CADPS: variants seen among roughly 807,000 people sequenced by gnomAD.
CADPS encodes calcium dependent secretion activator, also known as calcium-dependent secretion activator 1.
A neutral mutation model predicts 167.3 loss-of-function variants in CADPS; 57 were observed. The ratio of observed to expected loss-of-function variants is 0.34; its 90% confidence interval spans 0.28 to 0.42. CADPS has a LOEUF of 0.42. Among genes scored for constraint, CADPS ranks in the 20% least tolerant of loss-of-function variants. The pLI, the probability that CADPS is intolerant of heterozygous loss-of-function variation, is 1.00. For synonymous variants in CADPS, 676 were observed against 635.3 expected, an observed-to-expected ratio of 1.06 and a Z score of -0.96; for missense variants, 1,414 against 1,738.1, an observed-to-expected ratio of 0.81 and a Z score of 3.32.
At chr3:62,850,750 G>A (rs1056759338) in intron 1 of CADPS, among the ~76,000 whole-genome samples, 11 of 151,298 alleles carry the variant, frequency 7.3e-5, no homozygotes, top group African/African-American at 1.5e-4. Context: ...TGTATATTCT[G>A]TTGATTTGGG....
chr3:62,727,030 A>G (rs758394462), intron 3 of CADPS, among the ~76,000 whole-genome samples: 5 of 151,912 alleles, frequency 3.3e-5, no homozygotes, highest in Non-Finnish European at 5.9e-5. Flanking sequence ...TGTGCTTATT[A>G]GTAAAAACAC....
chr3:62,543,944 A>C (rs1172351378), intron 11 of CADPS, among the ~76,000 whole-genome samples: 3 of 152,108 alleles, frequency 2.0e-5, no homozygotes, highest in African/African-American at 7.2e-5. Flanking sequence ...TTTCTCTTAC[A>C]TGGGTATTTT....
chr3:62,474,354 C>T (rs761716002), intron 23 of CADPS, 34 bp from the exon 24 acceptor site: 9 of 1,605,618 alleles, frequency 5.6e-6, no homozygotes, highest in Non-Finnish European at 6.0e-6. Context: ...ACCAATTCAG[C>T]GTTCAGATGG....
At chr3:62,553,820 C>G (rs17066569) in intron 10 of CADPS, among the ~76,000 whole-genome samples, 1,905 of 152,310 alleles carry the variant, frequency 0.013, 47 homozygotes, top group African/African-American at 0.043. Context: ...GTCATAACCA[C>G]AAGGCCATCA....
chr3:62,558,250 G>T (rs1460655828), intron 9 of CADPS, among the ~76,000 whole-genome samples: 1 of 152,192 alleles, frequency 6.6e-6, no homozygotes, highest in Non-Finnish European at 1.5e-5. Context: ...TGTCACTTGT[G>T]CCCTAATGGC....
At chr3:62,782,216 G>T (rs1445203847) in intron 1 of CADPS, among the ~76,000 whole-genome samples, 1 of 152,136 alleles carries the variant, frequency 6.6e-6, no homozygotes, top group Non-Finnish European at 1.5e-5. Context: ...TGTACAAGGT[G>T]GGCATTAATG....
chr3:62,680,775 G>A (rs997895472), intron 3 of CADPS, among the ~76,000 whole-genome samples: 1 of 152,050 alleles, frequency 6.6e-6, no homozygotes, highest in Non-Finnish European at 1.5e-5. Context: ...CCACCCAGAT[G>A]CTCATAATAC....
chr3:62,736,646 C>T (rs973422977), intron 3 of CADPS, among the ~76,000 whole-genome samples: 46 of 152,090 alleles, frequency 3.0e-4, no homozygotes, highest in African/African-American at 1.1e-3. Flanking sequence ...AAATTTCCAC[C>T]TTTATGTTGG....
chr3:62,640,216 C>A (rs1194513709), intron 6 of CADPS, among the ~76,000 whole-genome samples: 1 of 152,088 alleles, frequency 6.6e-6, no homozygotes. Context: ...AGATATTCTG[C>A]CTTGATGTAA....
chr3:62,557,532 T>C lies in CADPS; in HGVS notation c.1645-19A>G, dbSNP rs1167461377. ...GACTGACCTGTTAAGGAAAAGCAGA[T>C]TGTGAGGTTGACCCCTGGAGCCTGT... is the stretch of plus-strand genomic sequence containing the variant. On this transcript the variant is annotated intron_variant, in intron 9 of 29. Transcript: ENST00000383710. 2 of 1,583,090 alleles carry C rather than the reference T, an allele frequency of 1.3e-6. No individual in the cohort carries two copies. Among genetic ancestry groups the C allele is most frequent in the African/African-American group, 1.3e-5 (1 of 74,262 alleles).
intron 2 of CADPS, among the ~76,000 whole-genome samples, chr3:62,759,699 C>A (rs1271719485): frequency 6.6e-6 from 1 of 151,120 alleles, no homozygotes; most frequent in Non-Finnish European, 1.5e-5. Context: ...ATTGAAAGTA[C>A]CTGGAAAGAT....
intron 1 of CADPS, among the ~76,000 whole-genome samples, chr3:62,871,161 A>G (rs1254749412): frequency 6.6e-6 from 1 of 152,178 alleles, no homozygotes; most frequent in Admixed American, 6.5e-5. Context: ...TCTTTTTCTC[A>G]GTAAAAGTGA....
intron 3 of CADPS, among the ~76,000 whole-genome samples, chr3:62,749,355 A>C (rs1252772069): frequency 6.6e-6 from 1 of 152,242 alleles, no homozygotes; most frequent in Non-Finnish European, 1.5e-5. Flanking sequence ...TACTGGCAGA[A>C]CCTCATAAAG....
chr3:62,654,673 G>A (rs921243390), intron 4 of CADPS, among the ~76,000 whole-genome samples: 1 of 152,130 alleles, frequency 6.6e-6, no homozygotes, highest in Non-Finnish European at 1.5e-5. Context: ...CGGAACAAAG[G>A]TTACATCCCA....
intron 2 of CADPS, among the ~76,000 whole-genome samples, chr3:62,756,471 C>T (rs747927699): frequency 6.6e-6 from 1 of 152,176 alleles, no homozygotes; most frequent in African/African-American, 2.4e-5. Context: ...ACCCATTCAT[C>T]CTTTCTTTGG....
chr3:62,605,198 C>G (rs956577498), intron 6 of CADPS, among the ~76,000 whole-genome samples: 4 of 151,902 alleles, frequency 2.6e-5, no homozygotes, highest in Non-Finnish European at 4.4e-5. Flanking sequence ...TTGCACACCC[C>G]TTTGCATTCC....
chr3:62,575,741 C>CT, intron 8 of CADPS, among the ~76,000 whole-genome samples: 1 of 152,222 alleles, frequency 6.6e-6, no homozygotes, highest in Non-Finnish European at 1.5e-5. Context: ...ACTTTGGTTT[C>CT]TTTTTTTGAA....
At chr3:62,546,530 T>C (rs1188003285) in intron 11 of CADPS, among the ~76,000 whole-genome samples, 1 of 152,206 alleles carries the variant, frequency 6.6e-6, no homozygotes, top group Non-Finnish European at 1.5e-5. Context: ...GAAGTAATTA[T>C]GAACTAACCA....
intron 3 of CADPS, among the ~76,000 whole-genome samples, chr3:62,724,628 G>A (rs1027208060): frequency 2.6e-5 from 4 of 152,172 alleles, no homozygotes; most frequent in Admixed American, 6.5e-5. Context: ...TATATGTGGT[G>A]TTATGCGTCA....
Sources: allele counts gnomAD v4.1 joint callset (sites outside exome capture counted in the v4.1 genomes callset), GRCh38; gene constraint gnomAD v4.1.1; transcripts MANE v1.5; gene names NCBI Gene and HGNC (gene_info 2026-07-23, HGNC 2026-07-21).